The following ULK4 variants were observed in gnomAD, a reference collection of about 807,000 sequenced individuals.
ULK4 encodes the protein unc-51 like kinase 4, also known as inactive serine/threonine-protein kinase ULK4.
ULK4 carries 133 observed loss-of-function variants against 160.6 expected under a neutral mutation model. That is an observed-to-expected ratio of 0.83 (90% CI 0.72 to 0.96). The LOEUF is 0.96. Ranked by LOEUF, ULK4 falls within the 40% of genes least tolerant of loss-of-function variation. ULK4 has a pLI of 0.00. For missense variants in ULK4, 1,580 were observed against 1,499.5 expected, an observed-to-expected ratio of 1.05 and a Z score of -0.89; for synonymous variants, 534 against 539.8, an observed-to-expected ratio of 0.99 and a Z score of 0.15.
At chr3:41,657,552 C>A (rs2034982869) in intron 30 of ULK4, among the ~76,000 whole-genome samples, 1 of 152,114 alleles carries the variant, frequency 6.6e-6, no homozygotes, top group South Asian at 2.1e-4. Context: ...CTCAAAACCA[C>A]TGATACCCTG....
intron 35 of ULK4, among the ~76,000 whole-genome samples, chr3:41,287,373 A>ATGG (rs1417830806): frequency 6.6e-6 from 1 of 152,200 alleles, no homozygotes; most frequent in Non-Finnish European, 1.5e-5. Flanking sequence ...TGGCTCAAGA[A>ATGG]CTGAAATGAT....
chr3:41,535,704 C>G (rs917848357), intron 32 of ULK4, among the ~76,000 whole-genome samples: 2 of 152,190 alleles, frequency 1.3e-5, no homozygotes, highest in Non-Finnish European at 2.9e-5. Flanking sequence ...TGCAAACGCA[C>G]ATAACATCTT....
intron 19 of ULK4, among the ~76,000 whole-genome samples, chr3:41,803,463 C>A (rs368411764): frequency 2.8e-4 from 43 of 152,160 alleles, no homozygotes; most frequent in African/African-American, 8.7e-4. Context: ...GAACACGTTG[C>A]AGTAGGCAAA....
intron 4 of ULK4, among the ~76,000 whole-genome samples, chr3:41,932,283 C>T (rs796893187): frequency 1.2e-4 from 19 of 152,200 alleles, no homozygotes; most frequent in African/African-American, 3.9e-4. Flanking sequence ...AGATTAACAA[C>T]GATGAAAATA....
rs141240743 is a variant in ULK4 at position 41,301,208 on chromosome 3, C to G, written c.3679-51634G>C. ...AGAGCCCAGCGAGATGGGGAAAAAT[C>G]AATACCCTGCAGGGATGGTGCTGTT... is the stretch of plus-strand genomic sequence containing the variant. On this transcript the variant is annotated intron_variant, in intron 35 of 36. Transcript: ENST00000301831. Among the ~76,000 whole-genome samples the G allele has an allele frequency of 1.2e-3, 187 of 152,178 alleles. 1 individual carries two copies. The highest frequency in any genetic ancestry group is 4.1e-3 in the African/African-American group (171 of 41,530).
At chr3:41,622,346 A>C (rs1262051831) in intron 30 of ULK4, among the ~76,000 whole-genome samples, 1 of 152,246 alleles carries the variant, frequency 6.6e-6, no homozygotes, top group Non-Finnish European at 1.5e-5. Context: ...ACTTGAAACC[A>C]ACCCAAATGC....
chr3:41,501,375 G>C (rs984463348), intron 32 of ULK4, among the ~76,000 whole-genome samples: 1 of 152,142 alleles, frequency 6.6e-6, no homozygotes, highest in Non-Finnish European at 1.5e-5. Context: ...GCAGACACCT[G>C]TGGTCCCAGC....
chr3:41,514,093 C>T (rs951051703), intron 32 of ULK4, among the ~76,000 whole-genome samples: 2 of 151,868 alleles, frequency 1.3e-5, no homozygotes, highest in South Asian at 2.1e-4. Flanking sequence ...GAACTAGATA[C>T]CTAATAAAAT....
At chr3:41,625,458 A>G (rs545970426) in intron 30 of ULK4, among the ~76,000 whole-genome samples, 26 of 152,032 alleles carry the variant, frequency 1.7e-4, no homozygotes, top group Admixed American at 1.6e-3. Context: ...ACCCCAACGC[A>G]CTCTGAATTG....
Position 41,353,672 on chromosome 3 carries a change from AAATAAT to A in ULK4, c.3678+44401_3678+44406del, listed in dbSNP as rs142972443. 4.6e-4 allele frequency among the ~76,000 whole-genome samples: 66 copies of A among 142,434 alleles called. 1 individual carries two copies. The highest frequency in any genetic ancestry group is 8.7e-4 in the Admixed American group (12 of 13,722). The allele number at this position is 142,434 out of a possible 152,430, so 93.4% of individuals were successfully genotyped here. ...AATGGAGCAAGACCCTTTCTCTAATAAATAATAATAATAATAATAATTACAATTACT... is the reference window on the plus strand; with the variant it reads ...AATGGAGCAAGACCCTTTCTCTAATAAATAATAATAATAATTACAATTACT... On this transcript the variant is annotated intron_variant, in intron 35 of 36. Transcript: ENST00000301831.
At chr3:41,449,090 G>C (rs1372853928) in intron 34 of ULK4, among the ~76,000 whole-genome samples, 1 of 151,964 alleles carries the variant, frequency 6.6e-6, no homozygotes. Context: ...GTTAATTTTT[G>C]TATTTTTAGT....
intron 21 of ULK4, among the ~76,000 whole-genome samples, chr3:41,771,590 CT>C (rs2039377708): frequency 1.3e-5 from 2 of 151,760 alleles, no homozygotes; most frequent in Non-Finnish European, 2.9e-5. Flanking sequence ...TGTTACAATG[CT>C]TTTCCTTTCA....
intron 35 of ULK4, among the ~76,000 whole-genome samples, chr3:41,290,750 G>A (rs923178785): frequency 2.0e-5 from 3 of 152,332 alleles, no homozygotes; most frequent in Admixed American, 6.5e-5. Flanking sequence ...TGTGGTACAC[G>A]TATGCTCATA....
intron 32 of ULK4, among the ~76,000 whole-genome samples, chr3:41,558,444 C>T (rs1452187587): frequency 1.3e-5 from 2 of 152,090 alleles, no homozygotes; most frequent in African/African-American, 2.4e-5. Flanking sequence ...GTGGCTCATG[C>T]CTGTAGTCCC....
chr3:41,936,011 G>C, intron 3 of ULK4, 71 bp from the exon 4 acceptor site: 2 of 1,561,048 alleles, frequency 1.3e-6, no homozygotes, highest in East Asian at 4.6e-5. Context: ...GAGGTTCCAC[G>C]CTGACAGATA....
At chr3:41,781,795 T>G (rs2125583751) in intron 21 of ULK4, among the ~76,000 whole-genome samples, 1 of 151,920 alleles carries the variant, frequency 6.6e-6, no homozygotes, top group Non-Finnish European at 1.5e-5. Context: ...AAAATTCAGC[T>G]AGGCGTGGTG....
At chr3:41,842,073 C>T (rs1439275055) in intron 17 of ULK4, among the ~76,000 whole-genome samples, 1 of 151,266 alleles carries the variant, frequency 6.6e-6, no homozygotes, top group Non-Finnish European at 1.5e-5. Context: ...GACCTTCTCT[C>T]CACTATTATC....
intron 32 of ULK4, among the ~76,000 whole-genome samples, chr3:41,521,949 G>A (rs182611698): frequency 6.8e-4 from 104 of 152,120 alleles, no homozygotes; most frequent in African/African-American, 2.5e-3. Context: ...AACTTTTTTG[G>A]AAGATAGCTT....
intron 30 of ULK4, among the ~76,000 whole-genome samples, chr3:41,661,897 T>C (rs2035184147): frequency 1.3e-5 from 2 of 152,130 alleles, no homozygotes; most frequent in Non-Finnish European, 2.9e-5. Context: ...TCTACTTCTC[T>C]AGGGTTTTTC....
Sources: allele counts gnomAD v4.1 joint callset (sites outside exome capture counted in the v4.1 genomes callset), GRCh38; gene constraint gnomAD v4.1.1; transcripts MANE v1.5; gene names NCBI Gene and HGNC (gene_info 2026-07-23, HGNC 2026-07-21).